The following NAALADL2 variants were observed in gnomAD, a reference collection of about 807,000 sequenced individuals.
The protein encoded by NAALADL2 is N-acetylated alpha-linked acidic dipeptidase like 2, also known as inactive N-acetylated-alpha-linked acidic dipeptidase-like protein 2.
NAALADL2 carries 76 observed loss-of-function variants against 87.2 expected under a neutral mutation model. The observed-to-expected ratio is 0.87, with a 90% CI of 0.72 to 1.05. The LOEUF is 1.05. NAALADL2 is among the 50% of genes least tolerant of loss of function. The pLI, the probability that NAALADL2 is intolerant of heterozygous loss-of-function variation, is 0.00. For synonymous variants in NAALADL2, 354 were observed against 331.0 expected, an observed-to-expected ratio of 1.07 and a Z score of -0.75; for missense variants, 1,089 against 945.8, an observed-to-expected ratio of 1.15 and a Z score of -1.99.
chr3:174,446,879 C>A (rs1441161193), intron 1 of NAALADL2, among the ~76,000 whole-genome samples: 1 of 152,112 alleles, frequency 6.6e-6, no homozygotes, highest in Non-Finnish European at 1.5e-5. Context: ...TTTTCCCTAT[C>A]TTCTTGGATG....
In NAALADL2 at chr3:175,806,539, CAAGA is replaced by C. The variant is rs1222826926; in HGVS notation, c.*3341_*3344del. 1.3e-5 allele frequency: 2 copies of C among 151,572 alleles called. No homozygotes were observed. The highest frequency in any genetic ancestry group is 2.4e-5 in the African/African-American group (1 of 41,270). The allele number at this position is 151,572 out of a possible 1,614,324, so 9.4% of individuals were successfully genotyped here. ...TAAATAAATTGAAGAGTCATAATAA[CAAGA>C]AAGACGTAAAGATTTGTTATTAATG... On this transcript the variant is annotated 3_prime_UTR_variant, in exon 14 of 14. Coordinates refer to ENST00000454872, the MANE Select transcript of NAALADL2 (RefSeq NM_207015.3).
intron 2 of NAALADL2, among the ~76,000 whole-genome samples, chr3:174,560,691 T>G (rs1308940324): frequency 6.6e-6 from 1 of 152,200 alleles, no homozygotes; most frequent in African/African-American, 2.4e-5. Context: ...GCTTTGGCTG[T>G]TAGAGACTTT....
At chr3:175,463,066 T>TGAG (rs995766228) in intron 6 of NAALADL2, among the ~76,000 whole-genome samples, 50 of 152,176 alleles carry the variant, frequency 3.3e-4, no homozygotes, top group African/African-American at 1.1e-3. Context: ...TTTAAAAATA[T>TGAG]GAGTTCCCCA....
At chr3:174,737,122 C>T (rs1045332508) in intron 2 of NAALADL2, among the ~76,000 whole-genome samples, 1 of 152,210 alleles carries the variant, frequency 6.6e-6, no homozygotes, top group African/African-American at 2.4e-5. Flanking sequence ...GGGCATGCAG[C>T]CCTAGCCACG....
intron 2 of NAALADL2, among the ~76,000 whole-genome samples, chr3:174,566,921 A>AT (rs563854548): frequency 2.6e-5 from 4 of 151,582 alleles, no homozygotes; most frequent in Admixed American, 6.6e-5. Context: ...TTGATGATAG[A>AT]TTTTTTTTCC....
intron 12 of NAALADL2, among the ~76,000 whole-genome samples, chr3:175,750,608 TCCC>T (rs1327251909): frequency 6.6e-6 from 1 of 152,154 alleles, no homozygotes; most frequent in Non-Finnish European, 1.5e-5. Flanking sequence ...TGGAACACTC[TCCC>T]TCAATTGCTT....
At chr3:175,313,576 T>C (rs1758659432) in intron 4 of NAALADL2, among the ~76,000 whole-genome samples, 1 of 151,964 alleles carries the variant, frequency 6.6e-6, no homozygotes. Flanking sequence ...CTCAAAAGGG[T>C]GAGAAGGCAA....
At chr3:175,043,532 T>C (rs1451678595) in intron 1 of NAALADL2, among the ~76,000 whole-genome samples, 3 of 152,162 alleles carry the variant, frequency 2.0e-5, no homozygotes, top group Non-Finnish European at 4.4e-5. Flanking sequence ...CCATAGCACC[T>C]GGCCTGGTTT....
intron 1 of NAALADL2, among the ~76,000 whole-genome samples, chr3:174,899,033 A>G (rs1731981327): frequency 2.0e-5 from 3 of 152,070 alleles, no homozygotes; most frequent in Admixed American, 2.0e-4. Context: ...TTAAAAGGAG[A>G]CTTTTTATTG....
At chr3:174,657,891 T>G (rs1393538073) in intron 2 of NAALADL2, among the ~76,000 whole-genome samples, 1 of 152,190 alleles carries the variant, frequency 6.6e-6, no homozygotes, top group Non-Finnish European at 1.5e-5. Context: ...CTATGTAGCC[T>G]TTTCAGATTG....
At chr3:175,003,879 G>A (rs1398209209) in intron 1 of NAALADL2, among the ~76,000 whole-genome samples, 3 of 152,148 alleles carry the variant, frequency 2.0e-5, no homozygotes, top group Non-Finnish European at 2.9e-5. Flanking sequence ...AACAGAACAA[G>A]CCATCTGTCA....
chr3:175,189,906 G>T (rs1242103160), intron 2 of NAALADL2, among the ~76,000 whole-genome samples: 1 of 152,108 alleles, frequency 6.6e-6, no homozygotes, highest in African/African-American at 2.4e-5. Flanking sequence ...AAAATAGACA[G>T]TCCAGAAATA....
intron 9 of NAALADL2, among the ~76,000 whole-genome samples, chr3:175,506,920 G>A (rs1402971821): frequency 1.3e-5 from 2 of 152,006 alleles, no homozygotes; most frequent in Non-Finnish European, 2.9e-5. Context: ...TTCCTTTAGA[G>A]GGGGAAATGA....
chr3:175,191,286 T>G (rs1738164259), intron 2 of NAALADL2, among the ~76,000 whole-genome samples: 1 of 152,192 alleles, frequency 6.6e-6, no homozygotes, highest in Non-Finnish European at 1.5e-5. Flanking sequence ...TATAGCCAAT[T>G]CAGGCACATT....
intron 2 of NAALADL2, among the ~76,000 whole-genome samples, chr3:175,167,168 T>G (rs1379102525): frequency 6.6e-6 from 1 of 152,090 alleles, no homozygotes; most frequent in Non-Finnish European, 1.5e-5. Context: ...TACAGTCTAT[T>G]GCAACCACTC....
chr3:174,660,024 C>A (rs1051977764), intron 2 of NAALADL2, among the ~76,000 whole-genome samples: 4 of 152,084 alleles, frequency 2.6e-5, no homozygotes, highest in African/African-American at 7.2e-5. Context: ...TCTGAATATA[C>A]AGAATATAAT....
chr3:175,357,181 G>T (rs1764474997), intron 5 of NAALADL2, among the ~76,000 whole-genome samples: 1 of 151,806 alleles, frequency 6.6e-6, no homozygotes, highest in Non-Finnish European at 1.5e-5. Flanking sequence ...CATCCACATG[G>T]GATCCATTTT....
intron 1 of NAALADL2, among the ~76,000 whole-genome samples, chr3:175,090,971 T>TG: frequency 1.0e-5 from 1 of 95,996 alleles, no homozygotes; most frequent in East Asian, 2.8e-4. Flanking sequence ...AAACCACAAA[T>TG]GGAAAAAAAA....
chr3:174,882,953 T>G (rs767597416), intron 1 of NAALADL2, among the ~76,000 whole-genome samples: 1 of 151,598 alleles, frequency 6.6e-6, no homozygotes, highest in Non-Finnish European at 1.5e-5. Flanking sequence ...TTATTAAGCA[T>G]TAACTCACAT....
Sources: gnomAD v4.1 joint callset for allele counts (sites outside exome capture counted in the v4.1 genomes callset) on GRCh38, gnomAD v4.1.1 for gene constraint, MANE v1.5 for transcripts, NCBI Gene and HGNC (gene_info 2026-07-23, HGNC 2026-07-21) for gene names.